The following KCNMA1 variants were observed in gnomAD, a reference collection of about 807,000 sequenced individuals.
KCNMA1 encodes the protein potassium calcium-activated channel subfamily M alpha 1, also known as Calcium-activated potassium channel subunit alpha-1.
Under a neutral mutation model 140.0 loss-of-function variants are expected in KCNMA1, and 29 were observed. The ratio of observed to expected loss-of-function variants is 0.21; its 90% CI spans 0.15 to 0.28. The LOEUF is 0.28. Among genes scored for constraint, KCNMA1 ranks in the 10% least tolerant of loss-of-function variants. KCNMA1 has a pLI of 1.00. For missense variants in KCNMA1, 880 were observed against 1,602.2 expected (o/e 0.55, Z 7.70); for synonymous variants, 612 against 611.9 (o/e 1.00, Z 0.00).
chr10:76,945,015 CAG>C (rs149631521), intron 22 of KCNMA1, 50 bp from the exon 23 acceptor site: 30,000 of 1,151,484 alleles, frequency 0.026, no homozygotes, highest in South Asian at 0.033. Flanking sequence ...GAGAAAGAGA[CAG>C]AGAGAGAGAG....
intron 14 of KCNMA1, among the ~76,000 whole-genome samples, chr10:77,042,343 TCTAA>T (rs2094771552): frequency 2.6e-5 from 4 of 152,342 alleles, no homozygotes; most frequent in Non-Finnish European, 4.4e-5. Flanking sequence ...GGTCACTAAC[TCTAA>T]CTAATTTGAA....
chr10:76,984,668 C>T (rs1056114384), intron 19 of KCNMA1, among the ~76,000 whole-genome samples: 1 of 152,062 alleles, frequency 6.6e-6, no homozygotes, highest in Non-Finnish European at 1.5e-5. Flanking sequence ...GGGAACTTGC[C>T]ACATAACAAT....
Position 76,891,680 on chromosome 10 carries a change from G to T in KCNMA1, c.3187C>A (p.Leu1063Met). The T allele has an allele frequency of 8.1e-6, 13 of 1,614,098 alleles. No homozygotes were observed. Among genetic ancestry groups the T allele is most frequent in the Non-Finnish European group, 1.1e-5 (13 of 1,180,010 alleles). The change falls in exon 26 of 28, where the codon CTG (leucine) becomes ATG (methionine). Residue 1063 changes from leucine (L) to methionine (M), a missense_variant. Leu to Met is a conservative substitution (Grantham distance 15, BLOSUM62 2). This residue lies in a region of KCNMA1 where 18 missense variants were observed against 51.3 expected (regional missense o/e 0.35). Coordinates refer to ENST00000286628, the MANE Select transcript of KCNMA1 (RefSeq NM_001161352.2). ...TCCGGCGTGGCTCCTCCGGTCACCAGGGTCCGTATCAGGGTGAGGATATTG... is the reference window on the plus strand; with the variant it reads ...TCCGGCGTGGCTCCTCCGGTCACCATGGTCCGTATCAGGGTGAGGATATTG... ...NDNILTLIRT[L>M]VTGGATPELE...
intron 1 of KCNMA1, among the ~76,000 whole-genome samples, chr10:77,463,651 A>G (rs544336061): frequency 6.6e-6 from 1 of 152,294 alleles, no homozygotes; most frequent in Non-Finnish European, 1.5e-5. Flanking sequence ...TGGAACAGGG[A>G]CTGTGAGCCC....
At chr10:77,036,404 C>T (rs1485092698) in intron 15 of KCNMA1, among the ~76,000 whole-genome samples, 2 of 152,200 alleles carry the variant, frequency 1.3e-5, no homozygotes, top group African/African-American at 4.8e-5. Context: ...AGAATGACTC[C>T]CCTAGCTTCT....
chr10:77,241,802 G>A (rs1042941690), intron 3 of KCNMA1, among the ~76,000 whole-genome samples: 1 of 152,292 alleles, frequency 6.6e-6, no homozygotes, highest in African/African-American at 2.4e-5. Flanking sequence ...GACAGAGTGA[G>A]ACCGTGTCTC....
chr10:77,303,949 C>T (rs1450373035), intron 2 of KCNMA1, among the ~76,000 whole-genome samples: 7 of 152,200 alleles, frequency 4.6e-5, no homozygotes, highest in Non-Finnish European at 7.3e-5. Context: ...GTTTATCACC[C>T]GTCTCAGATA....
At chr10:77,051,178 G>A (rs138925349) in intron 14 of KCNMA1, among the ~76,000 whole-genome samples, 23 of 152,176 alleles carry the variant, frequency 1.5e-4, no homozygotes, top group Middle Eastern at 3.4e-3. Flanking sequence ...GGACGAAAAC[G>A]CTCGCCAACC....
chr10:77,217,232 A>G (rs2048075225), intron 3 of KCNMA1, among the ~76,000 whole-genome samples: 1 of 151,716 alleles, frequency 6.6e-6, no homozygotes, highest in Non-Finnish European at 1.5e-5. Flanking sequence ...TTGAACCTAG[A>G]AGGTGGAGAT....
At chr10:77,272,855 C>T (rs2065555601) in intron 2 of KCNMA1, among the ~76,000 whole-genome samples, 1 of 152,134 alleles carries the variant, frequency 6.6e-6, no homozygotes, top group South Asian at 2.1e-4. Context: ...CAGCACACTA[C>T]ATTTAAAATG....
intron 5 of KCNMA1, among the ~76,000 whole-genome samples, chr10:77,182,479 C>T (rs552705447): frequency 5.3e-5 from 8 of 152,142 alleles, no homozygotes; most frequent in Non-Finnish European, 1.2e-4. Flanking sequence ...CATGTGTGCA[C>T]ATGTGAAGGC....
intron 1 of KCNMA1, among the ~76,000 whole-genome samples, chr10:77,586,813 C>T (rs1026671611): frequency 6.6e-6 from 1 of 152,184 alleles, no homozygotes; most frequent in African/African-American, 2.4e-5. Context: ...TAGGGAAGTA[C>T]AGAGAACTCT....
At chr10:77,308,031 C>T (rs1391117824) in intron 2 of KCNMA1, among the ~76,000 whole-genome samples, 3 of 152,178 alleles carry the variant, frequency 2.0e-5, no homozygotes, top group Admixed American at 6.5e-5. Flanking sequence ...AGACTTTAAG[C>T]CACCTTAAGA....
chr10:77,242,902 ACACACAC>A (rs1565448078), intron 3 of KCNMA1, among the ~76,000 whole-genome samples: 311 of 127,746 alleles, frequency 2.4e-3, no homozygotes, highest in Middle Eastern at 7.5e-3. Flanking sequence ...TGTTTCCTAC[ACACACAC>A]ACACACACAC....
chr10:77,007,603 T>C (rs1378894189), intron 18 of KCNMA1, among the ~76,000 whole-genome samples: 1 of 147,644 alleles, frequency 6.8e-6, no homozygotes, highest in African/African-American at 2.5e-5. Flanking sequence ...AATTTTTACA[T>C]ATAAGAATGT....
chr10:77,374,739 C>T (rs984353914), intron 2 of KCNMA1, among the ~76,000 whole-genome samples: 11 of 152,176 alleles, frequency 7.2e-5, no homozygotes, highest in Non-Finnish European at 1.3e-4. Flanking sequence ...GGAGGGAATA[C>T]AAACCCCAAA....
intron 15 of KCNMA1, among the ~76,000 whole-genome samples, chr10:77,034,087 C>A (rs1030369115): frequency 2.0e-5 from 3 of 151,812 alleles, no homozygotes; most frequent in African/African-American, 7.3e-5. Flanking sequence ...ACTAAAAATA[C>A]AAAAAAATTA....
chr10:77,202,037 A>G (rs1378257485), intron 3 of KCNMA1, among the ~76,000 whole-genome samples: 1 of 152,210 alleles, frequency 6.6e-6, no homozygotes, highest in Non-Finnish European at 1.5e-5. Flanking sequence ...TGAAGTTCTA[A>G]TTTTAAAAAA....
Position 77,491,918 on chromosome 10 carries a change from C to T in KCNMA1, c.379-87895G>A, listed in dbSNP as rs2040070826. On this transcript the variant is annotated intron_variant, in intron 1 of 27. Transcript: ENST00000286628. ...AACAGCAGCTGAAAGACCATAAACC[C>T]ATAGCCCTTAGATGTGTTCAGGGCC... Among the ~76,000 whole-genome samples, 5 of 152,196 alleles carry T rather than the reference C, an allele frequency of 3.3e-5. No homozygotes were observed. The South Asian group carries it at 8.3e-4, about 25-fold the overall frequency.
Sources: allele counts gnomAD v4.1 joint callset (sites outside exome capture counted in the v4.1 genomes callset), GRCh38; gene constraint gnomAD v4.1.1; regional missense constraint gnomAD v4.1.1; transcripts MANE v1.5; gene names NCBI Gene and HGNC (gene_info 2026-07-23, HGNC 2026-07-21).